SUGCT: variants seen among roughly 807,000 people sequenced by gnomAD.
SUGCT encodes the protein succinyl-CoA:glutarate CoA-transferase.
Under a neutral mutation model 55.0 loss-of-function variants are expected in SUGCT, and 41 were observed. The observed-to-expected ratio is 0.74, with a 90% CI of 0.58 to 0.97. The LOEUF (loss-of-function observed/expected upper bound fraction) is 0.97, where lower values mean the gene tolerates loss of function less well. Ranked by LOEUF, SUGCT falls within the 50% of genes least tolerant of loss-of-function variation. The pLI is 0.00. For synonymous variants in SUGCT, 187 were observed against 200.4 expected, an observed-to-expected ratio of 0.93 and a Z score of 0.56; for missense variants, 568 against 547.8, an observed-to-expected ratio of 1.04 and a Z score of -0.37.
intron 9 of SUGCT, among the ~76,000 whole-genome samples, chr7:40,438,987 T>C (rs1163780764): frequency 6.9e-6 from 1 of 145,758 alleles, no homozygotes; most frequent in Non-Finnish European, 1.5e-5. Flanking sequence ...TACTACTGTA[T>C]ATATAGAAAG....
chr7:40,275,918 A>G (rs911884913), intron 8 of SUGCT, among the ~76,000 whole-genome samples: 7 of 152,218 alleles, frequency 4.6e-5, no homozygotes, highest in African/African-American at 1.7e-4. Context: ...TTTCCGTGAT[A>G]GAAAAAGAAA....
intron 12 of SUGCT, among the ~76,000 whole-genome samples, chr7:40,523,778 G>T (rs1793672505): frequency 6.6e-6 from 1 of 152,026 alleles, no homozygotes; most frequent in African/African-American, 2.4e-5. Context: ...TGGATTGTTT[G>T]CTGGACTTTT....
intron 12 of SUGCT, among the ~76,000 whole-genome samples, chr7:40,610,581 A>G (rs1216827611): frequency 6.6e-6 from 1 of 152,210 alleles, no homozygotes; most frequent in Non-Finnish European, 1.5e-5. Context: ...TAGTTCTCAA[A>G]TGATTCAGAC....
chr7:40,167,402 C>T (rs1784472681), intron 1 of SUGCT, among the ~76,000 whole-genome samples: 2 of 152,182 alleles, frequency 1.3e-5, no homozygotes, highest in South Asian at 4.1e-4. Context: ...GTTTTAGGTG[C>T]TAGAAAGTTC....
chr7:40,563,341 G>T (rs558992275), intron 12 of SUGCT, among the ~76,000 whole-genome samples: 1 of 152,166 alleles, frequency 6.6e-6, no homozygotes, highest in South Asian at 2.1e-4. Context: ...GATACTGTCT[G>T]TTCTTAGAAG....
At chr7:40,929,140 T>C in the SUGCT span, among the ~76,000 whole-genome samples, 1 of 152,052 alleles carries the variant, frequency 6.6e-6, no homozygotes, top group African/African-American at 2.4e-5. Context: ...GTTCTCATTG[T>C]TCAATTCCCA....
At chr7:40,415,588 TA>T (rs1786956275) in intron 9 of SUGCT, among the ~76,000 whole-genome samples, 1 of 151,944 alleles carries the variant, frequency 6.6e-6, no homozygotes, top group Non-Finnish European at 1.5e-5. Flanking sequence ...AAACCTTGAG[TA>T]AAAAGTCTCC....
At chr7:40,731,633 C>T (rs1312329709) in intron 12 of SUGCT, among the ~76,000 whole-genome samples, 3 of 152,022 alleles carry the variant, frequency 2.0e-5, no homozygotes, top group Non-Finnish European at 2.9e-5. Context: ...CACCAACCTG[C>T]GCCTGAGTTC....
intron 1 of SUGCT, among the ~76,000 whole-genome samples, chr7:40,156,444 C>G (rs1378596455): frequency 6.6e-6 from 1 of 152,078 alleles, no homozygotes; most frequent in Non-Finnish European, 1.5e-5. Flanking sequence ...GCCTGGGCGA[C>G]AGAGTGAGAC....
chr7:40,613,608 C>T (rs184044697), intron 12 of SUGCT, among the ~76,000 whole-genome samples: 1 of 150,746 alleles, frequency 6.6e-6, no homozygotes, highest in Admixed American at 6.6e-5. Context: ...TCTTATCCTG[C>T]ACCCAATTTT....
intron 13 of SUGCT, among the ~76,000 whole-genome samples, chr7:40,757,542 A>G (rs1453657517): frequency 6.6e-6 from 1 of 152,198 alleles, no homozygotes; most frequent in African/African-American, 2.4e-5. Context: ...TTATCAATGA[A>G]TTCCTGGGGT....
At chr7:40,428,766 A>G (rs975816179) in intron 9 of SUGCT, among the ~76,000 whole-genome samples, 1 of 152,190 alleles carries the variant, frequency 6.6e-6, no homozygotes, top group Non-Finnish European at 1.5e-5. Context: ...TAAAAGGTTT[A>G]CATACCAATG....
the SUGCT span, among the ~76,000 whole-genome samples, chr7:40,881,918 T>C: frequency 6.6e-6 from 1 of 152,196 alleles, no homozygotes; most frequent in Non-Finnish European, 1.5e-5. Context: ...AAAATGCACA[T>C]GTGAAAACCA....
chr7:40,221,012 C>A (rs775780929), intron 6 of SUGCT, among the ~76,000 whole-genome samples: 2 of 152,166 alleles, frequency 1.3e-5, no homozygotes, highest in Middle Eastern at 3.4e-3. Flanking sequence ...AGTGGAGATA[C>A]AAAATATATG....
chr7:40,685,667 A>T (rs1275285587), intron 12 of SUGCT, among the ~76,000 whole-genome samples: 3 of 152,168 alleles, frequency 2.0e-5, no homozygotes, highest in Non-Finnish European at 4.4e-5. Context: ...ATATCTGGTG[A>T]CTATTTCTCA....
chr7:40,829,023 C>T (rs1792513382), intron 13 of SUGCT, among the ~76,000 whole-genome samples: 1 of 152,080 alleles, frequency 6.6e-6, no homozygotes, highest in African/African-American at 2.4e-5. Context: ...GCAAAGACAC[C>T]AGCCGAAACC....
At chr7:40,381,645 T>C (rs1273018413) in intron 9 of SUGCT, among the ~76,000 whole-genome samples, 1 of 152,136 alleles carries the variant, frequency 6.6e-6, no homozygotes, top group East Asian at 1.9e-4. Flanking sequence ...TGTGGTAGTG[T>C]GGATGTAATG....
intron 12 of SUGCT, among the ~76,000 whole-genome samples, chr7:40,747,637 C>T (rs1787798548): frequency 6.6e-6 from 1 of 152,028 alleles, no homozygotes; most frequent in African/African-American, 2.4e-5. Context: ...TTTAGATGCA[C>T]GTACAAGACA....
At chr7:40,450,404 AT>A (rs957423071) in intron 10 of SUGCT, among the ~76,000 whole-genome samples, 5 of 146,736 alleles carry the variant, frequency 3.4e-5, no homozygotes, top group Admixed American at 2.0e-4. Flanking sequence ...CCTGTTAAGG[AT>A]TTTTTTCTTT....
Sources: gnomAD v4.1 joint callset for allele counts (sites outside exome capture counted in the v4.1 genomes callset) on GRCh38, gnomAD v4.1.1 for gene constraint, MANE v1.5 for transcripts, NCBI Gene and HGNC (gene_info 2026-07-23, HGNC 2026-07-21) for gene names.